Variants in UGT1A4 observed in about 807,000 individuals in gnomAD.
The protein encoded by UGT1A4 is UDP-glucuronosyltransferase 1A4.
Under a neutral mutation model 41.1 loss-of-function variants are expected in UGT1A4, and 32 were observed. The ratio of observed to expected loss-of-function variants is 0.78; its 90% CI spans 0.59 to 1.05. The LOEUF (loss-of-function observed/expected upper bound fraction) is 1.05. Among genes scored for constraint, UGT1A4 ranks in the 50% least tolerant of loss-of-function variants. The pLI, the probability that UGT1A4 is intolerant of heterozygous loss-of-function variation, is 0.00. For synonymous variants in UGT1A4, 283 were observed against 265.1 expected, an observed-to-expected ratio of 1.07 and a Z score of -0.66; for missense variants, 748 against 677.4, an observed-to-expected ratio of 1.10 and a Z score of -1.16.
chr2:233,758,308 C>G (rs1190172459), intron 1 of UGT1A4, among the ~76,000 whole-genome samples: 1 of 152,214 alleles, frequency 6.6e-6, no homozygotes. Flanking sequence ...TCCAGGTACA[C>G]AGCAGAAGCA....
intron 1 of UGT1A4, chr2:233,740,712 A>G (rs1392705535): frequency 6.6e-6 from 1 of 151,804 alleles, no homozygotes; most frequent in Non-Finnish European, 1.5e-5. Context: ...CAAGAGGGTC[A>G]TCTTTGCACC....
chr2:233,737,713 A>C (rs1453713127), intron 1 of UGT1A4, among the ~76,000 whole-genome samples: 1 of 151,992 alleles, frequency 6.6e-6, no homozygotes, highest in Non-Finnish European at 1.5e-5. Flanking sequence ...TCTCCTCTCC[A>C]ACACCTCCTT....
Position 233,719,389 on chromosome 2 carries a change from C to A in UGT1A4, c.569C>A (p.Pro190His), listed in dbSNP as rs1343929267. 6.2e-7 allele frequency: 1 copy of A among 1,613,916 alleles called. No individual in the cohort carries two copies. Among genetic ancestry groups the A allele is most frequent in the Admixed American group, 1.7e-5 (1 of 60,006 alleles). ...TTTAAGGGCACACAGTGTCCAAATC[C>A]TTCCTCCTATATTCCTAAGTTACTA... Reference protein sequence around the residue: ...LDFKGTQCPNPSSYIPKLLTT... With the variant: ...LDFKGTQCPNHSSYIPKLLTT... Residue 190 changes from proline (P) to histidine (H), a missense_variant, in exon 1 of 5, where the codon CCT (proline) becomes CAT (histidine). Physicochemically the swap from Pro to His is moderately conservative, Grantham distance 77. Transcript: ENST00000373409.
At position 233,723,541 on chromosome 2, in the gene UGT1A4, TA is replaced by T. The variant is rs1455161715; in HGVS notation, c.867+3855del. 2.1e-4 allele frequency among the ~76,000 whole-genome samples: 28 copies of T among 134,814 alleles called. No individual in the cohort carries two copies. The East Asian group carries it at 3.0e-3, about 15-fold the overall frequency. 88.4% of individuals were successfully genotyped at this position (134,814 alleles called of 152,430 possible). Reference sequence around the variant, plus strand: ...CTTTTTTTTTTTTTTTTTTTTAATTTATTTTTTTATTGATAATTCTTGGGTG... The same window carrying T: ...CTTTTTTTTTTTTTTTTTTTTAATTTTTTTTTTATTGATAATTCTTGGGTG... On this transcript the variant is annotated intron_variant, in intron 1 of 4. Transcript: ENST00000373409.
Position 233,768,325 on chromosome 2 carries a change from A to G in UGT1A4, c.1193A>G (p.Gln398Arg). 2.5e-6 allele frequency: 4 copies of G among 1,614,222 alleles called. No homozygotes were observed. The highest frequency in any genetic ancestry group is 3.4e-6 in the Non-Finnish European group (4 of 1,180,032). ...PMVMMPLFGDQMDNAKRMETK... is the reference protein window; with the variant it reads ...PMVMMPLFGDRMDNAKRMETK... ...GTGATGATGCCCTTGTTTGGTGATCAGATGGACAATGCAAAGCGCATGGAG... is the reference window on the plus strand; with the variant it reads ...GTGATGATGCCCTTGTTTGGTGATCGGATGGACAATGCAAAGCGCATGGAG... The change falls in exon 4 of 5, where the codon CAG becomes CGG. Residue 398 changes from glutamine (Q) to arginine (R), a missense_variant. Physicochemically the swap from Gln to Arg is conservative, Grantham distance 43 (BLOSUM62 1). Coordinates refer to ENST00000373409, the MANE Select transcript of UGT1A4 (RefSeq NM_007120.3).
chr2:233,735,495 A>G (rs1383216559), intron 1 of UGT1A4, among the ~76,000 whole-genome samples: 1 of 152,188 alleles, frequency 6.6e-6, no homozygotes, highest in Non-Finnish European at 1.5e-5. Context: ...TAATTGCAGC[A>G]TTTAGCCCAT....
chr2:233,728,225 C>T (rs2077691607), intron 1 of UGT1A4, among the ~76,000 whole-genome samples: 1 of 152,206 alleles, frequency 6.6e-6, no homozygotes, highest in Non-Finnish European at 1.5e-5. Flanking sequence ...TGACCATAAT[C>T]TTCAGGATGA....
chr2:233,759,341 G>A (rs1697111060), intron 1 of UGT1A4, among the ~76,000 whole-genome samples: 1 of 152,134 alleles, frequency 6.6e-6, no homozygotes, highest in Non-Finnish European at 1.5e-5. Context: ...GTTCAGGTGA[G>A]CGCTGAAAAT....
At chr2:233,729,509 G>C in intron 1 of UGT1A4, 1 of 1,614,214 alleles carries the variant, frequency 6.2e-7, no homozygotes, top group South Asian at 1.1e-5. Context: ...CATAGGTCTT[G>C]TGTGGAGCTA....
Position 233,760,394 on chromosome 2 carries a change from A to G in UGT1A4, c.868-6640A>G, listed in dbSNP as rs1244863017. On this transcript the variant is annotated intron_variant, in intron 1 of 4. Coordinates refer to ENST00000373409, the MANE Select transcript of UGT1A4 (RefSeq NM_007120.3). ...GGGAAGATACTGTTGATCCCAGTGG[A>G]TGGCAGCCACTGGCTGAGCATGCTT... 2.5e-6 allele frequency: 4 copies of G among 1,614,048 alleles called. No individual in the cohort carries two copies. Among genetic ancestry groups the G allele is most frequent in the African/African-American group, 1.3e-5 (1 of 74,926 alleles).
intron 1 of UGT1A4, among the ~76,000 whole-genome samples, chr2:233,756,648 T>A (rs1349644658): frequency 6.6e-6 from 1 of 152,160 alleles, no homozygotes; most frequent in East Asian, 1.9e-4. Flanking sequence ...GGGATAAACA[T>A]GGGATGCAGT....
chr2:233,748,205 G>A, intron 1 of UGT1A4: 1 of 1,514,056 alleles, frequency 6.6e-7, no homozygotes. Context: ...TGTCGTAATA[G>A]CCTTCAGTGA....
chr2:233,719,012 G>T lies in UGT1A4; in HGVS notation c.192G>T (p.Glu64Asp), dbSNP rs763830494. Residue 64 changes from glutamate to aspartate, a missense_variant, in exon 1 of 5, where the codon GAG (glutamate) becomes GAT (aspartate). Physicochemically the swap from Glu to Asp is conservative, Grantham distance 45. Coordinates refer to ENST00000373409, the MANE Select transcript of UGT1A4 (RefSeq NM_007120.3). ...ACCAGGCGGTGGTCCTCACCCCAGA[G>T]GTGAATATGCACATCAAAGAAGAGA... ...RGHQAVVLTP[E>D]VNMHIKEEKF... The T allele has an allele frequency of 6.2e-7, 1 of 1,614,092 alleles. No homozygotes were observed. Among genetic ancestry groups the T allele is most frequent in the African/African-American group, 1.3e-5 (1 of 74,918 alleles).
chr2:233,727,191 G>A (rs764445830), intron 1 of UGT1A4, among the ~76,000 whole-genome samples: 4 of 152,118 alleles, frequency 2.6e-5, no homozygotes, highest in Non-Finnish European at 4.4e-5. Context: ...CTTTGCTGGG[G>A]TGACCTCACT....
In UGT1A4 at chr2:233,772,329, G is replaced by T; in HGVS notation, c.1375G>T (p.Ala459Ser). The change falls in exon 5 of 5, where the codon GCC becomes TCC. Residue 459 changes from alanine to serine, a missense_variant. Coordinates refer to ENST00000373409, the MANE Select transcript of UGT1A4 (RefSeq NM_007120.3). Reference protein sequence around the residue: ...KDRPVEPLDLAVFWVEFVMRH... With the variant: ...KDRPVEPLDLSVFWVEFVMRH... ...CCGCCCGGTGGAGCCGCTGGACCTG[G>T]CCGTGTTCTGGGTGGAGTTTGTGAT... 6.2e-7 allele frequency: 1 copy of T among 1,614,164 alleles called. No individual in the cohort carries two copies. The highest frequency in any genetic ancestry group is 8.5e-7 in the Non-Finnish European group (1 of 1,180,030).
Position 233,718,873 on chromosome 2 carries a change from T to A in UGT1A4, c.53T>A (p.Leu18His), listed in dbSNP as rs139927449. Reference protein sequence around the residue: ...PLPRLATGLLLLLSVQPWAES... With the variant: ...PLPRLATGLLHLLSVQPWAES... ...CCGCGGCTGGCCACAGGACTGCTGC[T>A]CCTCCTCAGTGTCCAGCCCTGGGCT... The change falls in exon 1 of 5, where the codon CTC (leucine) becomes CAC (histidine). Residue 18 changes from leucine to histidine, a missense_variant. Transcript: ENST00000373409. 339 of 1,613,914 alleles carry A rather than the reference T, an allele frequency of 2.1e-4. 1 individual carries two copies. Among genetic ancestry groups the A allele is most frequent in the Non-Finnish European group, 8.0e-5 (94 of 1,179,916 alleles).
At position 233,754,261 on chromosome 2, in the gene UGT1A4, G is replaced by T. The variant is rs28900390; in HGVS notation, c.868-12773G>T. 8.6e-3 allele frequency: 1,501 copies of T among 174,210 alleles called. 34 individuals carry two copies. The highest frequency in any genetic ancestry group is 0.033 in the African/African-American group (1,401 of 41,884). The allele number at this position is 174,210 out of a possible 1,614,324, so 10.8% of individuals were successfully genotyped here. A position where few individuals can be genotyped will look rare whatever the true frequency, so the allele number is the denominator to read the frequency against. The stretch of plus-strand genomic sequence containing the variant: ...ACACTTTCCCAACGGAAAAAGGTAA[G>T]GCTCAAAGTGCTGAGATGAACATTC... On this transcript the variant is annotated intron_variant, in intron 1 of 4. Coordinates refer to ENST00000373409, the MANE Select transcript of UGT1A4 (RefSeq NM_007120.3).
At position 233,768,294 on chromosome 2, in the gene UGT1A4, C is replaced by T. The variant is rs901936528; in HGVS notation, c.1162C>T (p.Pro388Ser). The T allele has an allele frequency of 2.5e-6, 4 of 1,614,146 alleles. No individual in the cohort carries two copies. Among genetic ancestry groups the T allele is most frequent in the Non-Finnish European group, 3.4e-6 (4 of 1,180,048 alleles). The change falls in exon 4 of 5, where the codon CCC becomes TCC. Residue 388 changes from proline to serine, a missense_variant. Physicochemically the swap from Pro to Ser is moderately conservative, Grantham distance 74. Transcript: ENST00000373409. ...TTATGAAAGCATATGCAATGGCGTTCCCATGGTGATGATGCCCTTGTTTGG... is the reference window on the plus strand; with the variant it reads ...TTATGAAAGCATATGCAATGGCGTTTCCATGGTGATGATGCCCTTGTTTGG... ...GVYESICNGV[P>S]MVMMPLFGDQ...
chr2:233,729,554 C>G, intron 1 of UGT1A4: 1 of 1,614,178 alleles, frequency 6.2e-7, no homozygotes, highest in Non-Finnish European at 8.5e-7. Flanking sequence ...CACCTGAATG[C>G]TACTTCCTTT....
Sources: allele counts gnomAD v4.1 joint callset (sites outside exome capture counted in the v4.1 genomes callset), GRCh38; gene constraint gnomAD v4.1.1; transcripts MANE v1.5; gene names NCBI Gene and HGNC (gene_info 2026-07-23, HGNC 2026-07-21).